Variants in DPP10 observed in about 807,000 individuals in gnomAD.
DPP10 encodes the protein inactive dipeptidyl peptidase 10.
In DPP10, 33 loss-of-function variants were observed where a neutral mutation model predicts 120.9. The observed-to-expected ratio is 0.27, with a 90% CI of 0.21 to 0.37. The LOEUF is 0.37. Ranked by LOEUF, DPP10 falls within the 10% of genes least tolerant of loss-of-function variation. DPP10 has a pLI of 1.00. For missense variants in DPP10, 816 were observed against 942.8 expected (o/e 0.87, Z 1.76); for synonymous variants, 337 against 326.1 (o/e 1.03, Z -0.36).
chr2:115,473,858 T>A (rs779747852), intron 3 of DPP10, among the ~76,000 whole-genome samples: 23 of 152,076 alleles, frequency 1.5e-4, no homozygotes, highest in Non-Finnish European at 3.4e-4. Context: ...ATGACTGGAG[T>A]CTGGTTTATT....
intron 1 of DPP10, among the ~76,000 whole-genome samples, chr2:114,657,819 T>G (rs2105524705): frequency 6.6e-6 from 1 of 152,298 alleles, no homozygotes; most frequent in East Asian, 1.9e-4. Flanking sequence ...ATTCATGCAT[T>G]TATTTGCCTG....
chr2:114,687,858 A>G (rs545644256), intron 1 of DPP10, among the ~76,000 whole-genome samples: 25 of 152,086 alleles, frequency 1.6e-4, no homozygotes, highest in African/African-American at 5.5e-4. Flanking sequence ...CTGGTGACAC[A>G]CAGAGTCCCG....
intron 1 of DPP10, among the ~76,000 whole-genome samples, chr2:114,897,336 G>A (rs1248116303): frequency 2.6e-5 from 4 of 152,072 alleles, no homozygotes; most frequent in South Asian, 2.1e-4. Context: ...TGTACCTCTG[G>A]TAGAATTCGG....
chr2:114,981,277 C>T (rs1700074983), intron 1 of DPP10, among the ~76,000 whole-genome samples: 1 of 151,814 alleles, frequency 6.6e-6, no homozygotes, highest in Admixed American at 6.6e-5. Flanking sequence ...TGGAAAATAC[C>T]TCTGTATCCA....
chr2:114,718,627 G>C (rs1701509194), intron 1 of DPP10, among the ~76,000 whole-genome samples: 1 of 152,258 alleles, frequency 6.6e-6, no homozygotes, highest in Non-Finnish European at 1.5e-5. Context: ...GCAGTAAACA[G>C]TGCCACAGTT....
chr2:114,636,883 G>T (rs1337188079), intron 1 of DPP10, among the ~76,000 whole-genome samples: 1 of 151,844 alleles, frequency 6.6e-6, no homozygotes, highest in Non-Finnish European at 1.5e-5. Flanking sequence ...GGTGGAGGAA[G>T]TGAGGGTGGG....
chr2:115,730,870 A>T (rs898495268), intron 8 of DPP10, among the ~76,000 whole-genome samples: 2 of 152,142 alleles, frequency 1.3e-5, no homozygotes, highest in African/African-American at 4.8e-5. Flanking sequence ...GTTAACTAGG[A>T]AATGCTGTAC....
At chr2:114,689,868 G>A (rs975890216) in intron 1 of DPP10, among the ~76,000 whole-genome samples, 5 of 151,530 alleles carry the variant, frequency 3.3e-5, no homozygotes, top group African/African-American at 9.7e-5. Context: ...GGTTGGCCGC[G>A]TGTATGTCTT....
chr2:114,954,341 C>T (rs1052873804), intron 1 of DPP10, among the ~76,000 whole-genome samples: 2 of 151,994 alleles, frequency 1.3e-5, no homozygotes, highest in Non-Finnish European at 2.9e-5. Context: ...CCTCGGCCTC[C>T]CAAAGTGCTG....
At chr2:114,651,359 C>A (rs1696568774) in intron 1 of DPP10, among the ~76,000 whole-genome samples, 1 of 152,098 alleles carries the variant, frequency 6.6e-6, no homozygotes, top group East Asian at 1.9e-4. Context: ...TTTCATGGAA[C>A]TTTTGCGTGA....
chr2:114,638,816 A>G (rs911360467), intron 1 of DPP10, among the ~76,000 whole-genome samples: 3 of 151,900 alleles, frequency 2.0e-5, no homozygotes, highest in Non-Finnish European at 2.9e-5. Flanking sequence ...AAATTTTTGT[A>G]CCAAAAAGGA....
chr2:114,812,582 T>TCACA (rs1685266722), intron 1 of DPP10, among the ~76,000 whole-genome samples: 107 of 99,346 alleles, frequency 1.1e-3, no homozygotes, highest in African/African-American at 4.9e-3. Flanking sequence ...GGTGAGACAT[T>TCACA]GACACACACA....
intron 1 of DPP10, among the ~76,000 whole-genome samples, chr2:115,251,030 T>C (rs2058729323): frequency 6.6e-6 from 1 of 152,156 alleles, no homozygotes. Context: ...CCCCGGTGGC[T>C]TTGGAGGAAT....
chr2:115,304,410 C>A (rs183439785), intron 1 of DPP10, among the ~76,000 whole-genome samples: 1 of 152,024 alleles, frequency 6.6e-6, no homozygotes, highest in Admixed American at 6.6e-5. Context: ...AACCCAAGTA[C>A]ATCTTTTCAC....
intron 3 of DPP10, among the ~76,000 whole-genome samples, chr2:115,454,639 T>C (rs2073378874): frequency 6.6e-6 from 1 of 151,854 alleles, no homozygotes; most frequent in Non-Finnish European, 1.5e-5. Context: ...AATGTTAATT[T>C]AATATTTCTA....
intron 1 of DPP10, among the ~76,000 whole-genome samples, chr2:114,865,492 A>G (rs879746724): frequency 3.9e-5 from 6 of 152,260 alleles, no homozygotes; most frequent in Admixed American, 3.9e-4. Context: ...CTTAAAATGC[A>G]GCACTCCATA....
intron 1 of DPP10, among the ~76,000 whole-genome samples, chr2:114,737,327 C>A (rs974883172): frequency 6.6e-6 from 1 of 152,110 alleles, no homozygotes; most frequent in African/African-American, 2.4e-5. Context: ...TTGAAGAATG[C>A]GTGCAGGTGC....
intron 5 of DPP10, among the ~76,000 whole-genome samples, chr2:115,574,414 G>T (rs1270830900): frequency 3.3e-5 from 5 of 152,112 alleles, no homozygotes; most frequent in African/African-American, 1.2e-4. Flanking sequence ...TCCATGGCTT[G>T]GTTCTCTCTA....
intron 1 of DPP10, among the ~76,000 whole-genome samples, chr2:114,698,380 C>A (rs1362073118): frequency 6.6e-6 from 1 of 152,092 alleles, no homozygotes; most frequent in Non-Finnish European, 1.5e-5. Context: ...CCCCATCTGC[C>A]ATCTTGACTG....
Sources: allele counts gnomAD v4.1 joint callset (sites outside exome capture counted in the v4.1 genomes callset), GRCh38; gene constraint gnomAD v4.1.1; transcripts MANE v1.5; gene names NCBI Gene and HGNC (gene_info 2026-07-23, HGNC 2026-07-21).